The following TBX5 variants were observed in gnomAD, a reference collection of about 807,000 sequenced individuals.
TBX5 encodes the protein T-box transcription factor TBX5.
A neutral mutation model predicts 51.1 loss-of-function variants in TBX5; 8 were observed. The ratio of observed to expected loss-of-function variants is 0.16; its 90% CI spans 0.09 to 0.28. The LOEUF is 0.28. Ranked by LOEUF, TBX5 falls within the 10% of genes least tolerant of loss-of-function variation. The pLI is 1.00. For missense variants in TBX5, 589 were observed against 671.7 expected, an observed-to-expected ratio of 0.88 and a Z score of 1.36; for synonymous variants, 302 against 266.4, an observed-to-expected ratio of 1.13 and a Z score of -1.30.
chr12:114,405,781 A>T lies in TBX5; in HGVS notation c.-192T>A. 1 of 985,490 alleles carries T rather than the reference A, an allele frequency of 1.0e-6. No individual in the cohort carries two copies. Among genetic ancestry groups the T allele is most frequent in the Non-Finnish European group, 1.2e-6 (1 of 830,036 alleles). The allele number at this position is 985,490 out of a possible 1,614,324, so 61.0% of individuals were successfully genotyped here. ...CGGCTACTGCTGCCTACTAGGGCGC[A>T]CCTACCGCTGGAGCCTCCGCGGCGA... On this transcript the variant is annotated 5_prime_UTR_variant, in exon 1 of 9. Transcript: ENST00000405440.
chr12:114,374,335 T>A (rs184780442), intron 7 of TBX5, among the ~76,000 whole-genome samples: 14 of 152,176 alleles, frequency 9.2e-5, no homozygotes, highest in African/African-American at 3.1e-4. Flanking sequence ...CTAGGGGAGT[T>A]GGTTTCAAGC....
At chr12:114,389,321 T>C (rs1364931567) in intron 6 of TBX5, among the ~76,000 whole-genome samples, 2 of 152,200 alleles carry the variant, frequency 1.3e-5, no homozygotes, top group African/African-American at 2.4e-5. Context: ...TATTCACTTG[T>C]ATTTTAAGAG....
chr12:114,408,353 T>C, upstream of TBX5: 1 of 366,624 alleles, frequency 2.7e-6, no homozygotes, highest in Non-Finnish European at 3.8e-6. Context: ...GAGGGAACTC[T>C]TCACGAAGGG....
intron 7 of TBX5, among the ~76,000 whole-genome samples, chr12:114,367,738 C>G (rs117661290): frequency 6.6e-6 from 1 of 152,170 alleles, no homozygotes; most frequent in Non-Finnish European, 1.5e-5. Flanking sequence ...AGAAGAAGAG[C>G]TTGACCCCTA....
intron 5 of TBX5, 112 bp downstream of exon 5, chr12:114,398,461 A>T (rs1023623815): frequency 1.8e-5 from 26 of 1,458,956 alleles, no homozygotes; most frequent in Non-Finnish European, 2.2e-5. Flanking sequence ...AATGGAGGAA[A>T]GAAAAGGAGA....
chr12:114,393,433 A>G (rs1194272950), intron 6 of TBX5, among the ~76,000 whole-genome samples: 5 of 152,162 alleles, frequency 3.3e-5, no homozygotes, highest in Admixed American at 3.3e-4. Flanking sequence ...CCCCTCCCCC[A>G]GCACCTATTG....
chr12:114,403,921 C>T lies in TBX5; in HGVS notation c.-23G>A, dbSNP rs571328934. 2.5e-6 allele frequency: 4 copies of T among 1,607,906 alleles called. No homozygotes were observed. The highest frequency in any genetic ancestry group is 2.2e-5 in the South Asian group (2 of 90,844). Reference sequence around the variant, plus strand: ...CATGGTGCGCCCAGGGCCCTGTGCCCGCGCAAGGTTCTGCTCTGAGGACAA... The same window carrying T: ...CATGGTGCGCCCAGGGCCCTGTGCCTGCGCAAGGTTCTGCTCTGAGGACAA... On this transcript the variant is annotated 5_prime_UTR_variant, in exon 2 of 9. Coordinates refer to ENST00000405440, the MANE Select transcript of TBX5 (RefSeq NM_181486.4).
intron 2 of TBX5, among the ~76,000 whole-genome samples, chr12:114,402,444 CA>C (rs1871891081): frequency 6.6e-6 from 1 of 152,200 alleles, no homozygotes; most frequent in South Asian, 2.1e-4. Flanking sequence ...TACAGATGTG[CA>C]AATACTTGCT....
chr12:114,406,945 A>T, upstream of TBX5: 6 of 614,734 alleles, frequency 9.8e-6, no homozygotes, highest in Non-Finnish European at 1.2e-5. Context: ...GACACCGAAT[A>T]TTGGTGCTTG....
chr12:114,405,110 G>A (rs1381804572), intron 1 of TBX5, among the ~76,000 whole-genome samples: 3 of 152,252 alleles, frequency 2.0e-5, no homozygotes, highest in Non-Finnish European at 4.4e-5. Flanking sequence ...CTCAGCAGCT[G>A]CTTAAGCAAG....
At chr12:114,401,732 C>A in intron 3 of TBX5, 94 bp downstream of exon 3, 1 of 1,141,118 alleles carries the variant, frequency 8.8e-7, no homozygotes, top group Non-Finnish European at 1.3e-6. Flanking sequence ...CCTTTTGCCC[C>A]TTTCCTTCCT....
intron 7 of TBX5, among the ~76,000 whole-genome samples, chr12:114,372,628 A>G (rs17730547): frequency 1.3e-5 from 2 of 151,954 alleles, no homozygotes; most frequent in African/African-American, 2.4e-5. Flanking sequence ...TGTTGACTCA[A>G]CCAGGGCTAT....
chr12:114,397,246 CCAGGA>C (rs2136414548), intron 5 of TBX5, among the ~76,000 whole-genome samples: 1 of 152,270 alleles, frequency 6.6e-6, no homozygotes, highest in South Asian at 2.1e-4. Context: ...CTACAACCTT[CCAGGA>C]CAGGGAACTC....
intron 8 of TBX5, among the ~76,000 whole-genome samples, chr12:114,358,756 C>T (rs1869060707): frequency 6.6e-6 from 1 of 151,580 alleles, no homozygotes; most frequent in African/African-American, 2.4e-5. Flanking sequence ...CATTTTTCAC[C>T]TTTTAACTGT....
Position 114,404,013 on chromosome 12 carries a change from C to T in TBX5, c.-38-77G>A, listed in dbSNP as rs1028417062. Reference sequence around the variant, plus strand: ...GAGAGAAAGGTTGGAGAGCACAATTCTAGTGACAGGAGGGAGCAGTTTGGC... The same window carrying T: ...GAGAGAAAGGTTGGAGAGCACAATTTTAGTGACAGGAGGGAGCAGTTTGGC... On this transcript the variant is annotated intron_variant, in intron 1 of 8. Coordinates refer to ENST00000405440, the MANE Select transcript of TBX5 (RefSeq NM_181486.4). 3.4e-6 allele frequency: 5 copies of T among 1,488,624 alleles called. No individual in the cohort carries two copies. In the Admixed American group the frequency reaches 7.8e-5, roughly 23 times the overall value. The allele number at this position is 1,488,624 out of a possible 1,614,324, so 92.2% of individuals were successfully genotyped here.
At chr12:114,397,923 A>T (rs1430464172) in intron 5 of TBX5, among the ~76,000 whole-genome samples, 1 of 152,206 alleles carries the variant, frequency 6.6e-6, no homozygotes, top group Non-Finnish European at 1.5e-5. Flanking sequence ...AAATTAAGGC[A>T]GGATTGAGAA....
intron 7 of TBX5, among the ~76,000 whole-genome samples, chr12:114,370,990 G>A (rs1869871120): frequency 6.6e-6 from 1 of 151,940 alleles, no homozygotes; most frequent in Admixed American, 6.6e-5. Context: ...GGGGATGAGT[G>A]ATAAAAGTCC....
In TBX5 at chr12:114,396,029, C is replaced by T. The variant is rs369080789; in HGVS notation, c.511-1136G>A. On this transcript the variant is annotated intron_variant, in intron 5 of 8. Transcript: ENST00000405440. ...AATCTGGCCTGCTTTTTCCCGGGAA[C>T]TGCGGAGGTTGTCTCTGTGACTTTG... 1.1e-4 allele frequency among the ~76,000 whole-genome samples: 17 copies of T among 152,282 alleles called. No homozygotes were observed. In the East Asian group the frequency reaches 2.5e-3, roughly 23 times the overall value.
chr12:114,393,727 A>G (rs1052088250), intron 6 of TBX5, among the ~76,000 whole-genome samples: 21 of 152,186 alleles, frequency 1.4e-4, no homozygotes, highest in African/African-American at 3.9e-4. Flanking sequence ...CACACAATCC[A>G]TGCGACAGCA....
Sources: gnomAD v4.1 joint callset for allele counts (sites outside exome capture counted in the v4.1 genomes callset) on GRCh38, gnomAD v4.1.1 for gene constraint, MANE v1.5 for transcripts, NCBI Gene and HGNC (gene_info 2026-07-23, HGNC 2026-07-21) for gene names.